Variants in UGCG observed in about 807,000 individuals in gnomAD.
UGCG encodes the protein UDP-glucose ceramide glucosyltransferase, also known as ceramide glucosyltransferase.
Under a neutral mutation model 49.5 loss-of-function variants are expected in UGCG, and 10 were observed. That is an observed-to-expected ratio of 0.20 (90% CI 0.12 to 0.34). The LOEUF (loss-of-function observed/expected upper bound fraction) is 0.34, where lower values mean the gene tolerates loss of function less well. Ranked by LOEUF, UGCG falls within the 10% of genes least tolerant of loss-of-function variation. The probability of loss-of-function intolerance (pLI) is 1.00; values close to 1 mark genes in which losing one functional copy is unlikely to be tolerated. For missense variants in UGCG, 312 were observed against 483.7 expected, an observed-to-expected ratio of 0.65 and a Z score of 3.33; for synonymous variants, 182 against 158.2, an observed-to-expected ratio of 1.15 and a Z score of -1.13.
At chr9:111,907,816 A>G (rs993161306) in intron 1 of UGCG, among the ~76,000 whole-genome samples, 1 of 151,978 alleles carries the variant, frequency 6.6e-6, no homozygotes, top group African/African-American at 2.4e-5. Context: ...TTTAGAAGAG[A>G]TAGGGTTTCA....
At chr9:111,924,942 T>C (rs1163691715) in intron 4 of UGCG, 64 bp downstream of exon 4, 1 of 967,824 alleles carries the variant, frequency 1.0e-6, no homozygotes, top group African/African-American at 1.7e-5. Flanking sequence ...CTAAAAGCAA[T>C]CTCAGATACA....
At chr9:111,922,442 A>G (rs1417324373) in intron 2 of UGCG, among the ~76,000 whole-genome samples, 1 of 152,114 alleles carries the variant, frequency 6.6e-6, no homozygotes, top group Non-Finnish European at 1.5e-5. Flanking sequence ...GCTTCTAGAG[A>G]GAGGTTGTGT....
At chr9:111,932,467 T>C (rs1434216186) in intron 8 of UGCG, 108 bp downstream of exon 8, 1 of 1,196,860 alleles carries the variant, frequency 8.4e-7, no homozygotes, top group East Asian at 2.5e-5. Context: ...CAGCTTCCCA[T>C]TGTAGGTTAG....
Position 111,921,390 on chromosome 9 carries a change from G to A in UGCG, c.241-1459G>A, listed in dbSNP as rs1350745634. On this transcript the variant is annotated intron_variant, in intron 2 of 8. Coordinates refer to ENST00000374279, the MANE Select transcript of UGCG (RefSeq NM_003358.3). ...TTGTTGACTGAGCATGGTGGCTCAC[G>A]CCTGTAATCCCAGCACTTTGGGAGG... Among the ~76,000 whole-genome samples the A allele has an allele frequency of 2.0e-5, 3 of 151,924 alleles. No individual in the cohort carries two copies. The East Asian group carries it at 5.8e-4, about 29-fold the overall frequency.
At chr9:111,903,331 G>A (rs1197343222) in intron 1 of UGCG, among the ~76,000 whole-genome samples, 3 of 152,184 alleles carry the variant, frequency 2.0e-5, no homozygotes, top group Non-Finnish European at 2.9e-5. Context: ...TTGGGAGGCC[G>A]AGGCAGGCAG....
intron 2 of UGCG, among the ~76,000 whole-genome samples, chr9:111,917,717 T>A (rs1452190974): frequency 6.6e-6 from 1 of 152,244 alleles, no homozygotes; most frequent in Non-Finnish European, 1.5e-5. Context: ...CTAGACTAGT[T>A]GCTCTGAAAG....
At position 111,911,192 on chromosome 9, in the gene UGCG, A is replaced by G. The variant is rs143492949; in HGVS notation, c.99-3413A>G. ...AGGCTCTCAGAACAGTTGTCCTGTC[A>G]TTCTTATCTCAGGCTTCTCTCCATC... On this transcript the variant is annotated intron_variant, in intron 1 of 8. Transcript: ENST00000374279. Among the ~76,000 whole-genome samples the G allele has an allele frequency of 3.1e-3, 468 of 152,262 alleles. 3 individuals are homozygous for G. The highest frequency in any genetic ancestry group is 0.011 in the African/African-American group (455 of 41,534).
chr9:111,931,978 C>T (rs1564206785), intron 7 of UGCG, 192 bp from the exon 8 acceptor site: 1 of 600,322 alleles, frequency 1.7e-6, no homozygotes, highest in East Asian at 2.9e-5. Flanking sequence ...ACAGTGAGTG[C>T]CACTGCACTC....
chr9:111,929,443 A>G, intron 5 of UGCG, 57 bp from the exon 6 acceptor site: 1 of 1,547,358 alleles, frequency 6.5e-7, no homozygotes, highest in Non-Finnish European at 8.7e-7. Context: ...ACAGTTCGTG[A>G]ACACCATGCT....
intron 1 of UGCG, among the ~76,000 whole-genome samples, chr9:111,898,708 TAG>T (rs143564586): frequency 3.9e-5 from 6 of 152,218 alleles, no homozygotes; most frequent in African/African-American, 1.2e-4. Flanking sequence ...ATTTATGCAA[TAG>T]AGAGAGATGG....
At chr9:111,931,442 A>G (rs1478403215) in intron 7 of UGCG, 85 bp downstream of exon 7, 2 of 1,265,152 alleles carry the variant, frequency 1.6e-6, no homozygotes, top group South Asian at 1.3e-5. Flanking sequence ...ATGTAGTTAA[A>G]TGAATGTACC....
intron 2 of UGCG, among the ~76,000 whole-genome samples, chr9:111,919,167 C>T (rs1210705449): frequency 6.6e-6 from 1 of 152,086 alleles, no homozygotes; most frequent in Non-Finnish European, 1.5e-5. Context: ...TAAACATTTC[C>T]TTTCATCATA....
chr9:111,924,293 G>T (rs927611197), intron 3 of UGCG, among the ~76,000 whole-genome samples: 5 of 152,088 alleles, frequency 3.3e-5, no homozygotes, highest in African/African-American at 1.2e-4. Flanking sequence ...TTGTGGAATA[G>T]CTAAATTAAG....
chr9:111,908,794 C>T (rs919465721), intron 1 of UGCG, among the ~76,000 whole-genome samples: 1 of 152,174 alleles, frequency 6.6e-6, no homozygotes, highest in Non-Finnish European at 1.5e-5. Flanking sequence ...AAACCCTGAT[C>T]TGAGACACTA....
chr9:111,908,956 T>G (rs1837942838), intron 1 of UGCG, among the ~76,000 whole-genome samples: 1 of 152,212 alleles, frequency 6.6e-6, no homozygotes, highest in Non-Finnish European at 1.5e-5. Context: ...TCCCTCTCTG[T>G]CACCCAGGCT....
At chr9:111,931,437 G>A in intron 7 of UGCG, 80 bp downstream of exon 7, 1 of 1,329,190 alleles carries the variant, frequency 7.5e-7, no homozygotes, top group Non-Finnish European at 1.0e-6. Context: ...GTTTAATGTA[G>A]TTAAATGAAT....
At chr9:111,922,748 C>A in intron 2 of UGCG, 101 bp from the exon 3 acceptor site, 1 of 698,162 alleles carries the variant, frequency 1.4e-6, no homozygotes, top group Non-Finnish European at 2.3e-6. Flanking sequence ...TTGCATAATA[C>A]AGTTGCTTGT....
chr9:111,925,086 T>C (rs1351205510), intron 4 of UGCG, among the ~76,000 whole-genome samples: 2 of 152,206 alleles, frequency 1.3e-5, no homozygotes, highest in Non-Finnish European at 2.9e-5. Flanking sequence ...TTAAAATGTT[T>C]TCATTTTGAA....
At position 111,933,684 on chromosome 9, in the gene UGCG, G is replaced by A. The variant is rs1417522439; in HGVS notation, c.*687G>A. The A allele has an allele frequency of 6.6e-6, 1 of 152,152 alleles. No homozygotes were observed. Among genetic ancestry groups the A allele is most frequent in the Non-Finnish European group, 1.5e-5 (1 of 68,028 alleles). The allele number at this position is 152,152 out of a possible 1,614,324, so 9.4% of individuals were successfully genotyped here. ...GGTCTCACTGCAATGAACCAAAAGC[G>A]GCTGAGTTTGGTTTTTAATTGTAGC... On this transcript the variant is annotated 3_prime_UTR_variant, in exon 9 of 9. Coordinates refer to ENST00000374279, the MANE Select transcript of UGCG (RefSeq NM_003358.3).
Sources: gnomAD v4.1 joint callset for allele counts (sites outside exome capture counted in the v4.1 genomes callset) on GRCh38, gnomAD v4.1.1 for gene constraint, MANE v1.5 for transcripts, NCBI Gene and HGNC (gene_info 2026-07-23, HGNC 2026-07-21) for gene names.